Variants in ZNF800 observed in about 807,000 individuals in gnomAD.
ZNF800 encodes the protein zinc finger protein 800.
ZNF800 carries 13 observed loss-of-function variants against 59.5 expected under a neutral mutation model. The observed-to-expected ratio is 0.22, with a 90% CI of 0.14 to 0.35. ZNF800 has a LOEUF of 0.35. Among genes scored for constraint, ZNF800 ranks in the 10% least tolerant of loss-of-function variants. The pLI is 1.00. For missense variants in ZNF800, 621 were observed against 783.7 expected (o/e 0.79, Z 2.48); for synonymous variants, 266 against 265.7 (o/e 1.00, Z -0.01).
intron 1 of ZNF800, chr7:127,360,604 CA>C (rs2117047743): frequency 6.6e-6 from 1 of 152,122 alleles, no homozygotes; most frequent in South Asian, 2.1e-4. Flanking sequence ...CACAAGGTAT[CA>C]CTAGCACATA....
chr7:127,391,816 C>A (rs1801329250), intron 1 of ZNF800, among the ~76,000 whole-genome samples: 1 of 152,106 alleles, frequency 6.6e-6, no homozygotes, highest in African/African-American at 2.4e-5. Flanking sequence ...TACCCGGAAA[C>A]GCAGCCTCGG....
At chr7:127,372,607 A>G in intron 5 of ZNF800, 1 of 984,484 alleles carries the variant, frequency 1.0e-6, no homozygotes, top group African/African-American at 1.7e-5. Context: ...TGATCACCAA[A>G]AAGTTTATTA....
intron 2 of ZNF800, 119 bp downstream of exon 2, chr7:127,391,378 G>T: frequency 1.0e-6 from 1 of 968,342 alleles, no homozygotes; most frequent in Non-Finnish European, 1.7e-6. Flanking sequence ...TTATGCTAGG[G>T]AATATCATAG....
intron 3 of ZNF800, among the ~76,000 whole-genome samples, chr7:127,385,623 G>T (rs1230255795): frequency 3.9e-5 from 6 of 152,054 alleles, no homozygotes; most frequent in African/African-American, 1.4e-4. Flanking sequence ...TGAAGGAGGT[G>T]ATCACACAAA....
In ZNF800 at chr7:127,377,348, G is replaced by C; in HGVS notation, c.158-19C>G. 1 of 1,573,966 alleles carries C rather than the reference G, an allele frequency of 6.4e-7. No individual in the cohort carries two copies. Among genetic ancestry groups the C allele is most frequent in the South Asian group, 1.2e-5 (1 of 85,536 alleles). Reference sequence around the variant, plus strand: ...TTAGTTCCTGAGAGAAAAAAGAAAAGAAAAACTTAACACAAAAGGTAACTT... The same window carrying C: ...TTAGTTCCTGAGAGAAAAAAGAAAACAAAAACTTAACACAAAAGGTAACTT... On this transcript the variant is annotated intron_variant, in intron 3 of 5. Transcript: ENST00000265827. This position sits in a 1 kb window ranked among gnomAD's most constrained non-coding sequence, Gnocchi z 4.7.
intron 1 of ZNF800, among the ~76,000 whole-genome samples, chr7:127,357,269 A>C (rs541856062): frequency 2.6e-5 from 4 of 152,236 alleles, no homozygotes; most frequent in Non-Finnish European, 5.9e-5. Context: ...GGGAAAAACC[A>C]ATGAGGGCCA....
chr7:127,345,991 G>A (rs1270430950), downstream of ZNF800, among the ~76,000 whole-genome samples: 1 of 152,178 alleles, frequency 6.6e-6, no homozygotes, highest in Admixed American at 6.5e-5. Context: ...CCATTGAGAG[G>A]AGGCAGGATT....
Position 127,392,088 on chromosome 7 carries a change from G to A in ZNF800, c.-87C>T. On this transcript the variant is annotated 5_prime_UTR_variant, in exon 1 of 6. Transcript: ENST00000265827. ...ACTCTTAGGGCGGGCCGGCGGGCGG[G>A]CGGAAGGAAGGAAGGCAGGCCGGGC... is the stretch of plus-strand genomic sequence containing the variant. The A allele has an allele frequency of 5.1e-6, 2 of 392,376 alleles. No homozygotes were observed. Among genetic ancestry groups the A allele is most frequent in the East Asian group, 3.6e-5 (1 of 27,608 alleles). The allele number at this position is 392,376 out of a possible 1,614,324, so 24.3% of individuals were successfully genotyped here.
At chr7:127,345,295 A>C (rs1453386724), downstream of ZNF800, among the ~76,000 whole-genome samples, 24 of 140,362 alleles carry the variant, frequency 1.7e-4, no homozygotes, top group Admixed American at 3.6e-4. Context: ...TGGGAAATAG[A>C]CCCCCCCCCC....
intron 2 of ZNF800, among the ~76,000 whole-genome samples, chr7:127,388,374 C>A (rs1322292936): frequency 2.6e-5 from 4 of 152,140 alleles, no homozygotes; most frequent in African/African-American, 9.7e-5. Context: ...AAACTGATTT[C>A]TCCTATTTGC....
chr7:127,360,182 T>G (rs1008819056), intron 1 of ZNF800: 2 of 152,108 alleles, frequency 1.3e-5, no homozygotes, highest in African/African-American at 4.8e-5. Context: ...AGGTAGTTGG[T>G]ACAAAATATA....
At chr7:127,351,738 C>T (rs17867262) in intron 1 of ZNF800, among the ~76,000 whole-genome samples, 56 of 152,318 alleles carry the variant, frequency 3.7e-4, no homozygotes, top group African/African-American at 1.3e-3. Flanking sequence ...CTCCCAGTGC[C>T]ATGGCCATCC....
At chr7:127,391,437 AAG>A in intron 2 of ZNF800, 58 bp downstream of exon 2, 1 of 1,542,898 alleles carries the variant, frequency 6.5e-7, no homozygotes, top group Non-Finnish European at 9.0e-7. Flanking sequence ...GCTAGAAAAA[AAG>A]AGAAGGCAGA....
At chr7:127,365,136 T>C (rs949452196), downstream of ZNF800, among the ~76,000 whole-genome samples, 6 of 152,114 alleles carry the variant, frequency 3.9e-5, no homozygotes, top group African/African-American at 1.4e-4. Context: ...CACACCCATA[T>C]AGCATGCAAT....
chr7:127,373,662 G>T lies in ZNF800; in HGVS notation c.1674C>A (p.Ile558=), dbSNP rs1800698436. The change falls in exon 5 of 6, where the codon ATC becomes ATA. Residue 558 remains isoleucine, a synonymous_variant. Transcript: ENST00000265827. ...YLGKITASLE[I]RAIKKPIDFV... is the part of the protein sequence containing the mutation. ...AATCAATAGGCTTTTTTATAGCTCTGATCTCTAAACTGGCTGTTATTTTCC... is the reference window on the plus strand; with the variant it reads ...AATCAATAGGCTTTTTTATAGCTCTTATCTCTAAACTGGCTGTTATTTTCC... 1.9e-6 allele frequency: 3 copies of T among 1,613,920 alleles called. No individual in the cohort carries two copies. The highest frequency in any genetic ancestry group is 2.5e-6 in the Non-Finnish European group (3 of 1,180,014).
At chr7:127,358,624 C>G (rs1043546152) in intron 1 of ZNF800, among the ~76,000 whole-genome samples, 1 of 152,106 alleles carries the variant, frequency 6.6e-6, no homozygotes, top group African/African-American at 2.4e-5. Context: ...GATTTCATGT[C>G]TCTGTACCTA....
chr7:127,367,207 G>T (rs988678580), downstream of ZNF800, among the ~76,000 whole-genome samples: 2 of 151,870 alleles, frequency 1.3e-5, no homozygotes, highest in African/African-American at 4.8e-5. Context: ...ATTACTCTTG[G>T]AATCCTATAA....
exon 2 of ZNF800, chr7:127,346,973 A>G (rs1172629887): frequency 6.6e-6 from 1 of 152,322 alleles, no homozygotes; most frequent in Non-Finnish European, 1.5e-5. Context: ...CACCACCAAC[A>G]CCCCGTGCTG....
chr7:127,349,625 A>C (rs1337053188), intron 1 of ZNF800, among the ~76,000 whole-genome samples: 1 of 152,214 alleles, frequency 6.6e-6, no homozygotes, highest in Non-Finnish European at 1.5e-5. Context: ...TACTGGATAC[A>C]ATTATTGTGT....
Sources: allele counts gnomAD v4.1 joint callset (sites outside exome capture counted in the v4.1 genomes callset), GRCh38; gene constraint gnomAD v4.1.1; non-coding constraint Gnocchi (gnomAD v3.1); transcripts MANE v1.5; gene names NCBI Gene and HGNC (gene_info 2026-07-23, HGNC 2026-07-21).